ARID4B: variants seen among roughly 807,000 people sequenced by gnomAD.
ARID4B encodes the protein AT-rich interactive domain-containing protein 4B.
ARID4B carries 26 observed loss-of-function variants against 147.5 expected under a neutral mutation model. The ratio of observed to expected loss-of-function variants is 0.18; its 90% CI spans 0.13 to 0.24. The LOEUF (loss-of-function observed/expected upper bound fraction) is 0.24, where lower values mean the gene tolerates loss of function less well. Ranked by LOEUF, ARID4B falls within the 10% of genes least tolerant of loss-of-function variation. ARID4B has a pLI of 1.00. For missense variants in ARID4B, 1,179 were observed against 1,511.5 expected (o/e 0.78, Z 3.65); for synonymous variants, 512 against 507.9 (o/e 1.01, Z -0.11).
intron 2 of ARID4B, among the ~76,000 whole-genome samples, chr1:235,292,378 C>A (rs1672393936): frequency 6.6e-6 from 1 of 152,164 alleles, no homozygotes; most frequent in Admixed American, 6.6e-5. Context: ...CTTTGGGAGG[C>A]CAAGGCAGGT....
At chr1:235,223,516 A>C (rs1479848916) in intron 12 of ARID4B, among the ~76,000 whole-genome samples, 2 of 150,122 alleles carry the variant, frequency 1.3e-5, no homozygotes, top group Non-Finnish European at 3.0e-5. Flanking sequence ...TAAATTTTAA[A>C]AACCATAACC....
intron 23 of ARID4B, among the ~76,000 whole-genome samples, chr1:235,170,165 C>A (rs1663238082): frequency 6.6e-6 from 1 of 152,106 alleles, no homozygotes; most frequent in African/African-American, 2.4e-5. Context: ...GGCAAAAAAA[C>A]TACCCCAGGG....
chr1:235,169,669 T>A (rs1663196419), intron 23 of ARID4B, among the ~76,000 whole-genome samples: 1 of 151,756 alleles, frequency 6.6e-6, no homozygotes, highest in Non-Finnish European at 1.5e-5. Context: ...CTTTTTTTTT[T>A]TTTTCCTTTG....
intron 2 of ARID4B, among the ~76,000 whole-genome samples, chr1:235,272,203 G>A (rs1346271991): frequency 1.3e-5 from 2 of 152,050 alleles, no homozygotes; most frequent in Non-Finnish European, 2.9e-5. Flanking sequence ...GGTAACTTAT[G>A]CTAAATACTC....
At chr1:235,194,269 G>A in intron 18 of ARID4B, 58 bp from the exon 19 acceptor site, 1 of 1,246,928 alleles carries the variant, frequency 8.0e-7, no homozygotes, top group Non-Finnish European at 1.2e-6. Context: ...CAGAAACAAT[G>A]TTAATGTCCA....
intron 2 of ARID4B, among the ~76,000 whole-genome samples, chr1:235,290,953 G>T (rs12058097): frequency 6.6e-6 from 1 of 152,178 alleles, no homozygotes; most frequent in East Asian, 1.9e-4. Flanking sequence ...GTTTTAATTA[G>T]CTGGGCATGG....
chr1:235,300,013 A>T (rs1673008202), intron 2 of ARID4B, among the ~76,000 whole-genome samples: 1 of 152,120 alleles, frequency 6.6e-6, no homozygotes, highest in African/African-American at 2.4e-5. Context: ...ATGTTACTCT[A>T]CCCTCGCTCC....
chr1:235,195,989 CTTT>C (rs1378990783), intron 18 of ARID4B, 39 bp downstream of exon 18: 2 of 1,241,638 alleles, frequency 1.6e-6, no homozygotes, highest in Non-Finnish European at 2.3e-6. Context: ...AGGAAAACTT[CTTT>C]TTAAGAGCTA....
intron 19 of ARID4B, among the ~76,000 whole-genome samples, chr1:235,191,647 G>C (rs1477246798): frequency 2.0e-5 from 3 of 152,156 alleles, no homozygotes; most frequent in Admixed American, 1.3e-4. Context: ...AGGGGCTTTT[G>C]TAAACTCTCA....
chr1:235,195,592 CAAA>C (rs58536627), intron 18 of ARID4B, among the ~76,000 whole-genome samples: 1 of 96,548 alleles, frequency 1.0e-5, no homozygotes. Context: ...ACTCTGTCTC[CAAA>C]AAAAAAAAAA....
At chr1:235,282,407 G>A (rs999533382) in intron 2 of ARID4B, among the ~76,000 whole-genome samples, 8 of 152,152 alleles carry the variant, frequency 5.3e-5, no homozygotes, top group African/African-American at 1.9e-4. Flanking sequence ...TTTTTGGTAG[G>A]CTTTGGGATA....
At chr1:235,249,422 T>C (rs1441709030) in intron 6 of ARID4B, among the ~76,000 whole-genome samples, 2 of 152,166 alleles carry the variant, frequency 1.3e-5, no homozygotes, top group Admixed American at 1.3e-4. Context: ...ATACCTAAAC[T>C]GTCCTACAGA....
At position 235,223,484 on chromosome 1, in the gene ARID4B, C is replaced by T. The variant is rs1667634031; in HGVS notation, c.971-224G>A. Among the ~76,000 whole-genome samples the T allele has an allele frequency of 1.4e-5, 2 of 146,896 alleles. 1 individual carries two copies. Among genetic ancestry groups the T allele is most frequent in the Non-Finnish European group, 3.0e-5 (2 of 67,072 alleles). Reference sequence around the variant, plus strand: ...ACATGGTATCTACACATAAATAAGCCCATGGCCACTTTAAAATTTTTTAAA... The same window carrying T: ...ACATGGTATCTACACATAAATAAGCTCATGGCCACTTTAAAATTTTTTAAA... On this transcript the variant is annotated intron_variant, in intron 12 of 23. Transcript: ENST00000264183.
At chr1:235,213,222 A>G (rs1253079699) in intron 17 of ARID4B, among the ~76,000 whole-genome samples, 1 of 152,310 alleles carries the variant, frequency 6.6e-6, no homozygotes, top group Non-Finnish European at 1.5e-5. Context: ...ATTTTAGTGA[A>G]GCAGGTCTGC....
In ARID4B at chr1:235,326,963, C is replaced by G; in HGVS notation, c.-44G>C. ...GTATCCTCTAAAACACCAGGTTCAG[C>G]TGCACCTGGAGGGGAAACAAAAGAC... On this transcript the variant is annotated 5_prime_UTR_variant, in exon 2 of 24. Transcript: ENST00000264183. 2 of 1,611,008 alleles carry G rather than the reference C, an allele frequency of 1.2e-6. No homozygotes were observed. The highest frequency in any genetic ancestry group is 1.7e-6 in the Non-Finnish European group (2 of 1,177,304).
chr1:235,319,245 G>A lies in ARID4B; in HGVS notation c.6+7669C>T, dbSNP rs140151058. On this transcript the variant is annotated intron_variant, in intron 2 of 23. Transcript: ENST00000264183. ...TAAAAAGGTGAATTTGGTGAGGCGC[G>A]GTGGCTCATGCCTGTAATCCCAACA... Among the ~76,000 whole-genome samples, 592 of 152,324 alleles carry A rather than the reference G, an allele frequency of 3.9e-3. 5 individuals are homozygous for A. Among genetic ancestry groups the A allele is most frequent in the African/African-American group, 0.013 (550 of 41,570 alleles).
intron 2 of ARID4B, among the ~76,000 whole-genome samples, chr1:235,263,937 TGAGCCAAGATCGTGCCAC>T (rs1670445307): frequency 2.0e-5 from 3 of 151,574 alleles, no homozygotes; most frequent in Non-Finnish European, 4.4e-5. Context: ...GGGCTTGCAG[TGAGCCAAGATCGTGCCAC>T]TGCACTCCAG....
chr1:235,182,214 G>A lies in ARID4B; in HGVS notation c.2705C>T (p.Ala902Val). The change falls in exon 20 of 24, where the codon GCA (alanine) becomes GTA (valine). Residue 902 changes from alanine to valine, a missense_variant. Coordinates refer to ENST00000264183, the MANE Select transcript of ARID4B (RefSeq NM_016374.6). The stretch of plus-strand genomic sequence containing the variant: ...ATTTAAAAGTTTAATCCTTTTTTCT[G>A]CCACTTCTGAAAATCCTGAATAGAA... Reference protein sequence around the residue: ...TGFYSGFSEVAEKRIKLLNNS... With the variant: ...TGFYSGFSEVVEKRIKLLNNS... 1.9e-6 allele frequency: 3 copies of A among 1,612,832 alleles called. No individual in the cohort carries two copies. The highest frequency in any genetic ancestry group is 2.5e-6 in the Non-Finnish European group (3 of 1,179,744).
At chr1:235,200,337 T>C (rs964542025) in intron 17 of ARID4B, among the ~76,000 whole-genome samples, 1 of 152,124 alleles carries the variant, frequency 6.6e-6, no homozygotes, top group Admixed American at 6.5e-5. Context: ...CGGGCGCCTG[T>C]AGTCCTAGCT....
Sources: gnomAD v4.1 joint callset for allele counts (sites outside exome capture counted in the v4.1 genomes callset) on GRCh38, gnomAD v4.1.1 for gene constraint, MANE v1.5 for transcripts, NCBI Gene and HGNC (gene_info 2026-07-23, HGNC 2026-07-21) for gene names.